The following PKD1 variants were observed in gnomAD, a reference collection of about 807,000 sequenced individuals.
PKD1 encodes the protein polycystin-1.
In PKD1, 81 loss-of-function variants were observed where a neutral mutation model predicts 361.7. The observed-to-expected ratio is 0.22, with a 90% CI of 0.19 to 0.27. The LOEUF (loss-of-function observed/expected upper bound fraction) is 0.27, where lower values mean the gene tolerates loss of function less well. PKD1 is among the 10% of genes least tolerant of loss of function. The pLI, the probability that PKD1 is intolerant of heterozygous loss-of-function variation, is 1.00. For missense variants in PKD1, 6,399 were observed against 6,118.3 expected, an observed-to-expected ratio of 1.05 and a Z score of -1.53; for synonymous variants, 3,615 against 2,818.3, an observed-to-expected ratio of 1.28 and a Z score of -8.95.
At position 2,115,641 on chromosome 16, in the gene PKD1, G is replaced by A. The variant is rs770182150; in HGVS notation, c.1850-16C>T. ...TCCGGGGTCCCTGTGAGGAGGGGAG[G>A]GTGTTGGGGCCCTGATTTGCCCACA... is the stretch of plus-strand genomic sequence containing the variant. On this transcript the variant is annotated splice_polypyrimidine_tract_variant and intron_variant, in intron 9 of 45. Coordinates refer to ENST00000262304, the MANE Select transcript of PKD1 (RefSeq NM_001009944.3). 5 of 1,595,904 alleles carry A rather than the reference G, an allele frequency of 3.1e-6. No individual in the cohort carries two copies. The South Asian group carries it at 3.3e-5, about 11-fold the overall frequency.
chr16:2,090,173 C>A lies in PKD1; in HGVS notation c.12466G>T (p.Glu4156Ter). 1 of 1,601,418 alleles carries A rather than the reference C, an allele frequency of 6.2e-7. No individual in the cohort carries two copies. The highest frequency in any genetic ancestry group is 1.7e-5 in the Admixed American group (1 of 59,348). Reference sequence around the variant, plus strand: ...CGAGAGGGCAGCGGCTCCATCCCTTCAAAGCGGACTTTGTGGCGGAACTGG... The same window carrying A: ...CGAGAGGGCAGCGGCTCCATCCCTTAAAAGCGGACTTTGTGGCGGAACTGG... ...VKEFRHKVRF[E>*]GMEPLPSRSS... The change falls in exon 46 of 46, where the codon GAA becomes TAA. Residue 4156 changes from glutamate to a stop codon, truncating the protein, a stop_gained. Coordinates refer to ENST00000262304, the MANE Select transcript of PKD1 (RefSeq NM_001009944.3). LOFTEE classifies it high-confidence loss of function.
rs797044902 is a variant in PKD1 at position 2,106,248 on chromosome 16, G to A, written c.7546C>T (p.Arg2516Cys). ...TCCTCGCAGTGGCCCTGGCGACAGC[G>A]CCGCAGCAGCAGGGCGTACACCAGC... ...APLVYALLLRRCRQGHCEEFC... is the reference protein window; with the variant it reads ...APLVYALLLRCCRQGHCEEFC... Residue 2516 changes from arginine (R) to cysteine (C), a missense_variant, in exon 19 of 46, where the codon CGC becomes TGC. By Grantham distance (180) the Arg-to-Cys change is radical. Transcript: ENST00000262304. This position sits in a 1 kb window ranked among gnomAD's most constrained non-coding sequence, Gnocchi z 6.5. 4 of 1,610,270 alleles carry A rather than the reference G, an allele frequency of 2.5e-6. No individual in the cohort carries two copies. Among genetic ancestry groups the A allele is most frequent in the Non-Finnish European group, 2.5e-6 (3 of 1,179,570 alleles).
Position 2,100,321 on chromosome 16 carries a change from C to T in PKD1, c.9569-12G>A, listed in dbSNP as rs568846847. Reference sequence around the variant, plus strand: ...GGCAGGGCTGAGCCCTGCAGAGGCGCAGGAGGGAGGTCAGGCTCGCAGGGC... The same window carrying T: ...GGCAGGGCTGAGCCCTGCAGAGGCGTAGGAGGGAGGTCAGGCTCGCAGGGC... On this transcript the variant is annotated splice_polypyrimidine_tract_variant and intron_variant, in intron 27 of 45. Transcript: ENST00000262304. This position sits in a 1 kb window ranked among gnomAD's most constrained non-coding sequence, Gnocchi z 4.4. The T allele has an allele frequency of 1.9e-6, 3 of 1,610,030 alleles. No individual in the cohort carries two copies. The highest frequency in any genetic ancestry group is 2.7e-5 in the African/African-American group (2 of 74,566).
At chr16:2,130,145 C>G (rs1173720952) in intron 1 of PKD1, among the ~76,000 whole-genome samples, 1 of 152,242 alleles carries the variant, frequency 6.6e-6, no homozygotes, top group Non-Finnish European at 1.5e-5. Context: ...ACTACCGTTT[C>G]TCACGCAGGC....
In PKD1 at chr16:2,114,941, C is replaced by G. The variant is rs1240624543; in HGVS notation, c.2098-16G>C. On this transcript the variant is annotated splice_polypyrimidine_tract_variant and intron_variant, in intron 10 of 45. Transcript: ENST00000262304. ...GGAGGGTGACCTGTGGAGAGGGAGGCAGGGCTGCATCACGTCCTCACGGTC... is the reference window on the plus strand; with the variant it reads ...GGAGGGTGACCTGTGGAGAGGGAGGGAGGGCTGCATCACGTCCTCACGGTC... 1 of 1,528,876 alleles carries G rather than the reference C, an allele frequency of 6.5e-7. No individual in the cohort carries two copies. The highest frequency in any genetic ancestry group is 8.8e-7 in the Non-Finnish European group (1 of 1,141,396). 94.7% of individuals were successfully genotyped at this position (1,528,876 alleles called of 1,614,324 possible).
chr16:2,133,616 G>A (rs1241947834), intron 1 of PKD1, among the ~76,000 whole-genome samples: 2 of 152,114 alleles, frequency 1.3e-5, no homozygotes, highest in Non-Finnish European at 2.9e-5. Context: ...TGGGGGGCCA[G>A]CCAGGGCCTT....
chr16:2,100,115 G>T lies in PKD1; in HGVS notation c.9713-44C>A, dbSNP rs1304501387. ...CGCACTGCAGGAGGCCACGGGGCAG[G>T]ACCACCCTGCCCAACCTCCCACGGA... On this transcript the variant is annotated intron_variant, in intron 28 of 45. Coordinates refer to ENST00000262304, the MANE Select transcript of PKD1 (RefSeq NM_001009944.3). The surrounding 1 kb of genome is among the most constrained non-coding windows in gnomAD (Gnocchi z 4.4). The T allele has an allele frequency of 6.2e-7, 1 of 1,604,780 alleles. No homozygotes were observed. Among genetic ancestry groups the T allele is most frequent in the Admixed American group, 1.7e-5 (1 of 59,414 alleles).
rs1406576394 is a variant in PKD1, at chr16:2,109,440, G to A, written c.5727C>T (p.Ile1909=). 13 of 1,605,990 alleles carry A rather than the reference G, an allele frequency of 8.1e-6. No individual in the cohort carries two copies. Among genetic ancestry groups the A allele is most frequent in the Non-Finnish European group, 1.1e-5 (13 of 1,179,472 alleles). ...TGACAGCTGAGCCGGCAGCCAGCAGGATCTGAAAATGGACCAGCTGCCCGG... is the reference window on the plus strand; with the variant it reads ...TGACAGCTGAGCCGGCAGCCAGCAGAATCTGAAAATGGACCAGCTGCCCGG... ...VAPGQLVHFQ[I]LLAAGSAVTF... The change falls in exon 15 of 46, where the codon ATC becomes ATT. Residue 1909 remains isoleucine (I), a synonymous_variant. Coordinates refer to ENST00000262304, the MANE Select transcript of PKD1 (RefSeq NM_001009944.3).
chr16:2,115,906 A>T, intron 9 of PKD1, 86 bp downstream of exon 9: 1 of 1,440,446 alleles, frequency 6.9e-7, no homozygotes, highest in Non-Finnish European at 9.5e-7. Flanking sequence ...TCTGGTGGCC[A>T]CAGGACCAGC....
intron 36 of PKD1, 33 bp from the exon 37 acceptor site, chr16:2,093,771 GTGA>G: frequency 6.4e-7 from 1 of 1,561,242 alleles, no homozygotes; most frequent in South Asian, 1.2e-5. Flanking sequence ...GGGGTCCCCC[GTGA>G]TGGAGGCCTG....
Position 2,088,983 on chromosome 16 carries a change from C to T in PKD1, c.*744G>A. 3.4e-6 allele frequency: 1 copy of T among 295,306 alleles called. No individual in the cohort carries two copies. Among genetic ancestry groups the T allele is most frequent in the South Asian group, 3.6e-5 (1 of 27,504 alleles). The allele number at this position is 295,306 out of a possible 1,614,324, so 18.3% of individuals were successfully genotyped here. On this transcript the variant is annotated 3_prime_UTR_variant, in exon 46 of 46. Transcript: ENST00000262304. ...CTGGGGTCCTCTGACATGCCTAGTCCTGCTACTTGCCCAGACCTGATGCCA... is the reference window on the plus strand; with the variant it reads ...CTGGGGTCCTCTGACATGCCTAGTCTTGCTACTTGCCCAGACCTGATGCCA...
At position 2,091,159 on chromosome 16, in the gene PKD1, A is replaced by G. The variant is rs759162173; in HGVS notation, c.11728T>C (p.Phe3910Leu). Residue 3910 changes from phenylalanine to leucine, a missense_variant, in exon 43 of 46, where the codon TTC becomes CTC. Coordinates refer to ENST00000262304, the MANE Select transcript of PKD1 (RefSeq NM_001009944.3). ...PLLTSVCLLL[F>L]AVHFAVAEAR... ...TCGGCCACGGCGAAGTGCACGGCGA[A>G]CAGCAGCAGGCACACCTGTGGGGGG... The G allele has an allele frequency of 1.0e-5, 15 of 1,428,952 alleles. No homozygotes were observed. In the East Asian group the frequency reaches 1.3e-4, roughly 13 times the overall value. The allele number at this position is 1,428,952 out of a possible 1,614,324, so 88.5% of individuals were successfully genotyped here.
chr16:2,117,536 C>A lies in PKD1; in HGVS notation c.1338G>T (p.Met446Ile), dbSNP rs2092659743. 1 of 1,596,084 alleles carries A rather than the reference C, an allele frequency of 6.3e-7. No homozygotes were observed. The highest frequency in any genetic ancestry group is 8.5e-7 in the Non-Finnish European group (1 of 1,172,736). The change falls in exon 6 of 46, where the codon ATG becomes ATT. Residue 446 changes from methionine (M) to isoleucine (I), a missense_variant. Transcript: ENST00000262304. ...AGCGCTGCACGGCGGGACTGTCCAC[C>A]ATTGCCAGGGCGGCCCCGGCCCAGG... Reference protein sequence around the residue: ...CQAWAGAALAMVDSPAVQRFL... With the variant: ...CQAWAGAALAIVDSPAVQRFL...
In PKD1 at chr16:2,135,465, C is replaced by G; in HGVS notation, c.215+10G>C. ...GGCCTCTCCCGGGTGCCGCTGGGCC[C>G]GCTACTCACAGCGCTGTGGCGTCCG... is the stretch of plus-strand genomic sequence containing the variant. On this transcript the variant is annotated intron_variant, in intron 1 of 45. Transcript: ENST00000262304. The G allele has an allele frequency of 8.6e-7, 1 of 1,166,722 alleles. No individual in the cohort carries two copies. Among genetic ancestry groups the G allele is most frequent in the South Asian group, 4.3e-5 (1 of 23,398 alleles). 72.3% of individuals were successfully genotyped at this position (1,166,722 alleles called of 1,614,324 possible).
rs776765857 is a variant in PKD1, at chr16:2,118,004, G to A, written c.988C>T (p.Arg330Cys). Reference protein sequence around the residue: ...AASHRYVLPGRYHVTAVLALG... With the variant: ...AASHRYVLPGCYHVTAVLALG... ...GCCAGCACGGCCGTCACGTGATAGC[G>A]CCCAGGCAGCACATAGCGATGCGAG... Residue 330 changes from arginine to cysteine, a missense_variant, in exon 5 of 46, where the codon CGC (arginine) becomes TGC (cysteine). Arg to Cys is a radical substitution (Grantham distance 180). Transcript: ENST00000262304. The surrounding 1 kb of genome is among the most constrained non-coding windows in gnomAD (Gnocchi z 6.0). 1.1e-4 allele frequency: 167 copies of A among 1,585,434 alleles called. No individual in the cohort carries two copies. Among genetic ancestry groups the A allele is most frequent in the Non-Finnish European group, 1.4e-4 (163 of 1,169,594 alleles).
In PKD1 at chr16:2,089,956, C is replaced by T. The variant is rs1064797205; in HGVS notation, c.12683G>A (p.Arg4228Gln). Residue 4228 changes from arginine (R) to glutamine (Q), a missense_variant, in exon 46 of 46, where the codon CGA (arginine) becomes CAA (glutamine). Physicochemically the swap from Arg to Gln is conservative, Grantham distance 43. Transcript: ENST00000262304. The part of the protein sequence containing the change: ...VFEALLTQFD[R>Q]LNQATEDVYQ... ...GACGTCCTCTGTGGCCTGGTTGAGT[C>T]GGTCAAACTGGGTGAGCAGGGCCTC... The T allele has an allele frequency of 4.3e-6, 7 of 1,612,206 alleles. No individual in the cohort carries two copies. Among genetic ancestry groups the T allele is most frequent in the Non-Finnish European group, 5.9e-6 (7 of 1,179,752 alleles).
Position 2,093,551 on chromosome 16 carries a change from A to T in PKD1, c.11009T>A (p.Met3670Lys), listed in dbSNP as rs753792665. The change falls in exon 37 of 46, where the codon ATG (methionine) becomes AAG (lysine). Residue 3670 changes from methionine to lysine, a missense_variant. Met to Lys is a moderately conservative substitution (Grantham distance 95, BLOSUM62 -1). Transcript: ENST00000262304. ...GGCCGCACCCAGGCTCACCCGCAGC[A>T]TGCCATGTAGCCTCTTGACCTTGCG... ...EARKVKRLHGMLRSLLVYMLF... is the reference protein window; with the variant it reads ...EARKVKRLHGKLRSLLVYMLF... 6.2e-6 allele frequency: 10 copies of T among 1,601,622 alleles called. No individual in the cohort carries two copies. The highest frequency in any genetic ancestry group is 5.1e-5 in the Admixed American group (3 of 58,640).
intron 1 of PKD1, among the ~76,000 whole-genome samples, chr16:2,127,456 G>A (rs1237459658): frequency 6.6e-6 from 1 of 152,326 alleles, no homozygotes; most frequent in Non-Finnish European, 1.5e-5. Flanking sequence ...GGGTCCATAG[G>A]AGTCCACCCG....
rs370702171 is a variant in PKD1 at position 2,097,200 on chromosome 16, T to G, written c.10447A>C (p.Ser3483Arg). 126 of 1,566,336 alleles carry G rather than the reference T, an allele frequency of 8.0e-5. 3 individuals carry two copies. The South Asian group carries it at 1.4e-3, about 17-fold the overall frequency. ...TGGGTGTCTTGGGTAGGGGCTGGGC[T>G]GCTGACCCCCTCGGCAAGGACCTGC... ...IQQVLAEGVS[S>R]PAPTQDTHME... The change falls in exon 34 of 46, where the codon AGC becomes CGC. Residue 3483 changes from serine to arginine, a missense_variant. Physicochemically the swap from Ser to Arg is moderately radical, Grantham distance 110. Transcript: ENST00000262304.
Sources: gnomAD v4.1 joint callset for allele counts (sites outside exome capture counted in the v4.1 genomes callset) on GRCh38, gnomAD v4.1.1 for gene constraint, Gnocchi (gnomAD v3.1) non-coding constraint, MANE v1.5 for transcripts, NCBI Gene and HGNC (gene_info 2026-07-23, HGNC 2026-07-21) for gene names.